PDE4D: variants seen among roughly 807,000 people sequenced by gnomAD.
PDE4D encodes phosphodiesterase 4D.
A neutral mutation model predicts 87.4 loss-of-function variants in PDE4D; 24 were observed. The observed-to-expected ratio is 0.27, with a 90% CI of 0.20 to 0.39. PDE4D has a LOEUF of 0.39. PDE4D is among the 10% of genes least tolerant of loss of function. The pLI is 1.00. For synonymous variants in PDE4D, 384 were observed against 383.2 expected (o/e 1.00, Z -0.02); for missense variants, 714 against 1,041.0 (o/e 0.69, Z 4.32).
intron 1 of PDE4D, among the ~76,000 whole-genome samples, chr5:60,385,772 G>A (rs1194544860): frequency 6.6e-6 from 1 of 152,102 alleles, no homozygotes; most frequent in Non-Finnish European, 1.5e-5. Flanking sequence ...TTCTCAGAAT[G>A]TCCACCTCTG....
chr5:60,261,779 T>A (rs964338137), intron 1 of PDE4D, among the ~76,000 whole-genome samples: 1 of 152,110 alleles, frequency 6.6e-6, no homozygotes, highest in Non-Finnish European at 1.5e-5. Context: ...TTAAGTATTA[T>A]CAGAAAGAAG....
At position 60,036,576 on chromosome 5, in the gene PDE4D, G is replaced by A. The variant is rs1051071443; in HGVS notation, c.43-47859C>T. 4.6e-5 allele frequency among the ~76,000 whole-genome samples: 7 copies of A among 152,120 alleles called. No homozygotes were observed. In the South Asian group the frequency reaches 8.3e-4, roughly 18 times the overall value. On this transcript the variant is annotated intron_variant, in intron 2 of 16. Transcript: ENST00000502484. ...AGAAGGCACATAAACTCATGTCTCC[G>A]AACTCTTGTTAAAAGAATATTAGGG...
intron 1 of PDE4D, among the ~76,000 whole-genome samples, chr5:60,377,704 T>G (rs1045125322): frequency 9.9e-5 from 15 of 152,224 alleles, no homozygotes; most frequent in African/African-American, 3.6e-4. Context: ...GTAGTCATTA[T>G]ATTACTCCCC....
At chr5:60,207,621 A>G (rs987127805) in intron 1 of PDE4D, among the ~76,000 whole-genome samples, 2 of 152,244 alleles carry the variant, frequency 1.3e-5, no homozygotes, top group South Asian at 4.1e-4. Context: ...CTGTTTTTAT[A>G]AGAATTAAAA....
intron 1 of PDE4D, among the ~76,000 whole-genome samples, chr5:60,385,276 AC>A (rs1394919777): frequency 6.6e-6 from 1 of 152,220 alleles, no homozygotes; most frequent in Non-Finnish European, 1.5e-5. Flanking sequence ...TGTGTAAATG[AC>A]CAGACAACTG....
At chr5:60,361,595 C>G (rs1295614026) in intron 1 of PDE4D, among the ~76,000 whole-genome samples, 1 of 152,172 alleles carries the variant, frequency 6.6e-6, no homozygotes, top group African/African-American at 2.4e-5. Flanking sequence ...TGGGGCCAGG[C>G]ACACTGAGTT....
At chr5:60,268,527 T>C (rs1750477997) in intron 1 of PDE4D, among the ~76,000 whole-genome samples, 1 of 152,204 alleles carries the variant, frequency 6.6e-6, no homozygotes, top group African/African-American at 2.4e-5. Flanking sequence ...ATGAAGGGCA[T>C]TGCAAAGTGA....
chr5:59,772,693 C>T (rs1403625682), intron 1 of PDE4D, among the ~76,000 whole-genome samples: 1 of 152,152 alleles, frequency 6.6e-6, no homozygotes, highest in East Asian at 1.9e-4. Flanking sequence ...ATGATTTATA[C>T]TCAGCTATGG....
chr5:59,515,376 T>C (rs1240134577), intron 1 of PDE4D, among the ~76,000 whole-genome samples: 3 of 152,194 alleles, frequency 2.0e-5, no homozygotes, highest in Non-Finnish European at 4.4e-5. Flanking sequence ...AACCAAGATC[T>C]TCCTTTTAAA....
chr5:60,470,951 T>C lies in PDE4D; in HGVS notation c.-90+16991A>G, dbSNP rs1393766832. ...GAGTAATTTTGACTTTCAAGGCTTATTATTTAAGAAATATATTTTTGTAAG... is the reference window on the plus strand; with the variant it reads ...GAGTAATTTTGACTTTCAAGGCTTACTATTTAAGAAATATATTTTTGTAAG... On this transcript the variant is annotated intron_variant, in intron 1 of 16. Transcript: ENST00000502484. 2.6e-5 allele frequency among the ~76,000 whole-genome samples: 4 copies of C among 152,210 alleles called. No individual in the cohort carries two copies. The East Asian group carries it at 7.7e-4, about 29-fold the overall frequency.
intron 6 of PDE4D, among the ~76,000 whole-genome samples, chr5:59,010,108 CTGAGCTCAGGAGTT>C (rs1561295066): frequency 1.3e-5 from 2 of 152,174 alleles, no homozygotes; most frequent in South Asian, 2.1e-4. Context: ...GGCAGATTGC[CTGAGCTCAGGAGTT>C]TGAGATCAGC....
intron 7 of PDE4D, among the ~76,000 whole-genome samples, chr5:58,992,741 A>T (rs1748199625): frequency 6.6e-6 from 1 of 152,190 alleles, no homozygotes; most frequent in South Asian, 2.1e-4. Context: ...ACTCATCCTT[A>T]TATATAGAAC....
At chr5:60,389,115 A>T (rs1216288186) in intron 1 of PDE4D, among the ~76,000 whole-genome samples, 1 of 152,234 alleles carries the variant, frequency 6.6e-6, no homozygotes, top group Non-Finnish European at 1.5e-5. Context: ...CTCCAATCAA[A>T]GAGCAAATCT....
intron 1 of PDE4D, among the ~76,000 whole-genome samples, chr5:60,443,176 T>C (rs144679575): frequency 0.016 from 2,468 of 152,156 alleles, 49 homozygotes; most frequent in Non-Finnish European, 0.021. Flanking sequence ...AACTGAGAAA[T>C]TGACTTTTTA....
At chr5:60,136,352 T>TG (rs1157451050) in intron 2 of PDE4D, among the ~76,000 whole-genome samples, 1 of 152,080 alleles carries the variant, frequency 6.6e-6, no homozygotes, top group Non-Finnish European at 1.5e-5. Context: ...AGTCTTGCTC[T>TG]GTTGTCCAGG....
chr5:59,863,852 C>T (rs113790555), intron 1 of PDE4D, among the ~76,000 whole-genome samples: 12 of 152,152 alleles, frequency 7.9e-5, no homozygotes, highest in African/African-American at 2.6e-4. Flanking sequence ...CCTGAAAAAT[C>T]TCCATTGTTT....
At chr5:60,418,373 G>T (rs1050329143) in intron 1 of PDE4D, among the ~76,000 whole-genome samples, 32 of 152,080 alleles carry the variant, frequency 2.1e-4, no homozygotes, top group African/African-American at 7.7e-4. Context: ...AAATAAAATT[G>T]CACTTTTAAA....
chr5:60,478,864 A>G (rs748612050), intron 1 of PDE4D, among the ~76,000 whole-genome samples: 2 of 152,160 alleles, frequency 1.3e-5, no homozygotes, highest in African/African-American at 4.8e-5. Flanking sequence ...TTTTCCATAA[A>G]CATACACATC....
At chr5:59,533,701 T>C (rs1320405187) in intron 1 of PDE4D, among the ~76,000 whole-genome samples, 1 of 152,196 alleles carries the variant, frequency 6.6e-6, no homozygotes, top group Non-Finnish European at 1.5e-5. Context: ...GGGGTCTTAT[T>C]AGAAGCAAAA....
Sources: allele counts gnomAD v4.1 joint callset (sites outside exome capture counted in the v4.1 genomes callset), GRCh38; gene constraint gnomAD v4.1.1; transcripts MANE v1.5; gene names NCBI Gene and HGNC (gene_info 2026-07-23, HGNC 2026-07-21).